Variants in POFUT3 observed in about 807,000 individuals in gnomAD.
POFUT3 encodes the protein GDP-fucose protein O-fucosyltransferase 3.
chr8:33,432,262 TA>T, the POFUT3 span, among the ~76,000 whole-genome samples: 1 of 151,474 alleles, frequency 6.6e-6, no homozygotes, highest in African/African-American at 2.4e-5. Flanking sequence ...ACACAAAAAT[TA>T]GCCAGGCATG....
the POFUT3 span, among the ~76,000 whole-genome samples, chr8:33,424,708 T>TC: frequency 1.3e-5 from 2 of 152,100 alleles, no homozygotes; most frequent in African/African-American, 4.8e-5. Context: ...TTCCACCCTC[T>TC]CCTCCACTCC....
At chr8:33,311,906 A>T in the POFUT3 span, among the ~76,000 whole-genome samples, 1 of 152,186 alleles carries the variant, frequency 6.6e-6, no homozygotes, top group Non-Finnish European at 1.5e-5. Context: ...CATAAATATA[A>T]TCAGGTAAAG....
chr8:33,429,431 A>T, the POFUT3 span, among the ~76,000 whole-genome samples: 3 of 152,212 alleles, frequency 2.0e-5, no homozygotes, highest in Non-Finnish European at 4.4e-5. Context: ...TGTCAAACTG[A>T]GTATGTAATC....
chr8:33,453,103 G>A, the POFUT3 span: 1 of 987,416 alleles, frequency 1.0e-6, no homozygotes, highest in South Asian at 1.5e-5. Context: ...GAAATCAGGG[G>A]TGTCAAAGTG....
chr8:33,344,792 T>G, the POFUT3 span, among the ~76,000 whole-genome samples: 1 of 152,208 alleles, frequency 6.6e-6, no homozygotes, highest in Non-Finnish European at 1.5e-5. Flanking sequence ...CAACCCAAGA[T>G]GGCAATTTCC....
the POFUT3 span, chr8:33,389,464 G>A: frequency 1.4e-5 from 23 of 1,614,116 alleles, no homozygotes; most frequent in Non-Finnish European, 1.9e-5. Flanking sequence ...CGACCTCGAT[G>A]TAAGTCATCA....
At chr8:33,334,727 G>T in the POFUT3 span, among the ~76,000 whole-genome samples, 7 of 152,154 alleles carry the variant, frequency 4.6e-5, no homozygotes, top group Non-Finnish European at 1.0e-4. Flanking sequence ...TACAAAATAA[G>T]CAAACAGAAC....
At chr8:33,376,402 G>A in the POFUT3 span, among the ~76,000 whole-genome samples, 1 of 152,190 alleles carries the variant, frequency 6.6e-6, no homozygotes, top group Non-Finnish European at 1.5e-5. Context: ...GGAAATATAT[G>A]AGGAGATACT....
the POFUT3 span, among the ~76,000 whole-genome samples, chr8:33,397,432 G>A: frequency 4.6e-5 from 7 of 152,184 alleles, no homozygotes; most frequent in Admixed American, 1.3e-4. Flanking sequence ...TGCCACTATC[G>A]CTGTCACCAC....
chr8:33,376,400 A>G, the POFUT3 span, among the ~76,000 whole-genome samples: 1 of 152,222 alleles, frequency 6.6e-6, no homozygotes, highest in African/African-American at 2.4e-5. Context: ...TAGGAAATAT[A>G]TGAGGAGATA....
the POFUT3 span, among the ~76,000 whole-genome samples, chr8:33,323,852 G>A: frequency 1.3e-5 from 2 of 152,178 alleles, no homozygotes; most frequent in Non-Finnish European, 2.9e-5. Flanking sequence ...TGATGTAACT[G>A]TATGGATAAG....
chr8:33,462,715 T>C, the POFUT3 span, among the ~76,000 whole-genome samples: 1 of 151,868 alleles, frequency 6.6e-6, no homozygotes, highest in African/African-American at 2.4e-5. Context: ...GGATGGCTTG[T>C]GCCCAGGAGT....
chr8:33,423,106 G>A, the POFUT3 span, among the ~76,000 whole-genome samples: 6 of 151,740 alleles, frequency 4.0e-5, no homozygotes, highest in East Asian at 9.8e-4. Flanking sequence ...TGTGACCCAC[G>A]ATTCAGAAAT....
the POFUT3 span, among the ~76,000 whole-genome samples, chr8:33,347,791 C>T: frequency 2.6e-5 from 4 of 152,268 alleles, no homozygotes; most frequent in East Asian, 1.9e-4. Flanking sequence ...CTTTTACAGA[C>T]GATGCAGGAT....
chr8:33,336,088 T>C, the POFUT3 span, among the ~76,000 whole-genome samples: 1 of 152,226 alleles, frequency 6.6e-6, no homozygotes, highest in Admixed American at 6.5e-5. Flanking sequence ...TCTGTGTTAT[T>C]CACAATGTAG....
chr8:33,457,399 G>A, the POFUT3 span, among the ~76,000 whole-genome samples: 1 of 152,160 alleles, frequency 6.6e-6, no homozygotes, highest in Admixed American at 6.5e-5. Context: ...GGGAGGATGA[G>A]GCAGGAGGAT....
the POFUT3 span, among the ~76,000 whole-genome samples, chr8:33,401,019 C>T: frequency 2.0e-5 from 3 of 152,046 alleles, no homozygotes; most frequent in South Asian, 2.1e-4. Context: ...CTCACTTTGT[C>T]GCCCAAGCTG....
the POFUT3 span, among the ~76,000 whole-genome samples, chr8:33,448,626 C>G: frequency 2.6e-5 from 4 of 151,992 alleles, no homozygotes; most frequent in African/African-American, 9.7e-5. Flanking sequence ...GAATGGGTCT[C>G]TCTATTCATA....
At chr8:33,397,110 C>T in the POFUT3 span, among the ~76,000 whole-genome samples, 2 of 152,140 alleles carry the variant, frequency 1.3e-5, no homozygotes, top group African/African-American at 4.8e-5. Flanking sequence ...TGGATTAAAT[C>T]GTTTGTTTCA....
Sources: allele counts gnomAD v4.1 joint callset (sites outside exome capture counted in the v4.1 genomes callset), GRCh38; gene constraint gnomAD v4.1.1; transcripts MANE v1.5; gene names NCBI Gene and HGNC (gene_info 2026-07-23, HGNC 2026-07-21).